The following CUL1 variants were observed in gnomAD, a reference collection of about 807,000 sequenced individuals.
CUL1 encodes the protein cullin-1.
In CUL1, 24 loss-of-function variants were observed where a neutral mutation model predicts 118.0. The ratio of observed to expected loss-of-function variants is 0.20; its 90% CI spans 0.15 to 0.29. The LOEUF is 0.29. Among genes scored for constraint, CUL1 ranks in the 10% least tolerant of loss-of-function variants. CUL1 has a pLI of 1.00. For synonymous variants in CUL1, 332 were observed against 340.4 expected, an observed-to-expected ratio of 0.98 and a Z score of 0.27; for missense variants, 361 against 933.8, an observed-to-expected ratio of 0.39 and a Z score of 7.99.
chr7:148,762,072 C>G (rs2129460579), intron 7 of CUL1, among the ~76,000 whole-genome samples: 1 of 152,276 alleles, frequency 6.6e-6, no homozygotes, highest in South Asian at 2.1e-4. Flanking sequence ...GGCCACAGAC[C>G]CATACTGGCC....
chr7:148,788,628 G>A lies in CUL1; in HGVS notation c.1551G>A (p.Leu517=). The A allele has an allele frequency of 1.2e-6, 2 of 1,614,118 alleles. No individual in the cohort carries two copies. The highest frequency in any genetic ancestry group is 2.7e-5 in the African/African-American group (2 of 75,050). ...AAGACATTGGCGTGAGCAAAGATCT[G>A]AACGAGCAATTCAAAAAGCACTTGA... ...MFQDIGVSKD[L]NEQFKKHLTN... The change falls in exon 14 of 22, where the codon CTG becomes CTA. Residue 517 remains leucine (L), a synonymous_variant. Coordinates refer to ENST00000325222, the MANE Select transcript of CUL1 (RefSeq NM_003592.3).
intron 2 of CUL1, among the ~76,000 whole-genome samples, chr7:148,751,751 C>T (rs191942870): frequency 1.2e-4 from 18 of 151,990 alleles, no homozygotes; most frequent in Admixed American, 9.8e-4. Context: ...ATTACAGCTG[C>T]GGCTATGTCA....
intron 2 of CUL1, among the ~76,000 whole-genome samples, chr7:148,737,558 G>A (rs986878821): frequency 2.0e-4 from 26 of 128,070 alleles, no homozygotes; most frequent in South Asian, 5.5e-4. Flanking sequence ...GTGTGTGTGT[G>A]TATATATATA....
chr7:148,750,294 C>T (rs1799444195), intron 2 of CUL1, among the ~76,000 whole-genome samples: 1 of 142,908 alleles, frequency 7.0e-6, no homozygotes, highest in Non-Finnish European at 1.5e-5. Flanking sequence ...CCACCTAGGA[C>T]TTTTTTTTTT....
Position 148,798,023 on chromosome 7 carries a change from A to C in CUL1, c.2030+4A>C. ...AATTATATCTTGGTTATAAAAAGTA[A>C]GAAAAATCTAATAAGTAGATGGCCC... On this transcript the variant is annotated splice_donor_region_variant and intron_variant, in intron 19 of 21. Transcript: ENST00000325222. 6.5e-7 allele frequency: 1 copy of C among 1,546,908 alleles called. No homozygotes were observed.
intron 1 of CUL1, among the ~76,000 whole-genome samples, chr7:148,727,756 G>A (rs1798635035): frequency 1.3e-5 from 2 of 152,024 alleles, no homozygotes; most frequent in African/African-American, 2.4e-5. Flanking sequence ...GGGGAAAGGA[G>A]ACTGAGGTGG....
At chr7:148,747,030 C>T (rs756578829) in intron 2 of CUL1, among the ~76,000 whole-genome samples, 21 of 152,118 alleles carry the variant, frequency 1.4e-4, no homozygotes, top group Non-Finnish European at 2.5e-4. Context: ...TGTACATTTC[C>T]GTGATGATTT....
At chr7:148,699,239 C>G (rs907397113) in intron 1 of CUL1, among the ~76,000 whole-genome samples, 3 of 151,910 alleles carry the variant, frequency 2.0e-5, no homozygotes, top group African/African-American at 4.8e-5. Context: ...GGCAGAGGAG[C>G]GAGCGGGGCC....
chr7:148,732,953 T>C (rs1309457894), intron 2 of CUL1, among the ~76,000 whole-genome samples: 3 of 152,180 alleles, frequency 2.0e-5, no homozygotes, highest in African/African-American at 7.2e-5. Flanking sequence ...GACATTATAA[T>C]GAAATAATGG....
chr7:148,726,402 G>T (rs1798584773), intron 1 of CUL1, among the ~76,000 whole-genome samples: 1 of 151,696 alleles, frequency 6.6e-6, no homozygotes, highest in Admixed American at 6.6e-5. Context: ...AAAAAAAAAG[G>T]GCTTTCTTAA....
intron 13 of CUL1, 149 bp from the exon 14 acceptor site, chr7:148,788,408 T>C (rs1800891623): frequency 5.1e-6 from 3 of 593,022 alleles, no homozygotes; most frequent in Non-Finnish European, 9.0e-6. Flanking sequence ...TGCATATTTG[T>C]ACTGTAAAAT....
chr7:148,784,033 C>T lies in CUL1; in HGVS notation c.1254C>T (p.Ser418=), dbSNP rs775931359. The part of the protein sequence containing the change: ...VTKMAQSSSK[S]PELLARYCDS... The stretch of plus-strand genomic sequence containing the variant: ...AGATGGCCCAATCATCCAGTAAATC[C>T]CCTGAGTTGCTGGCTCGATACTGTG... Residue 418 remains serine (S), a synonymous_variant, in exon 11 of 22, where the codon TCC becomes TCT. Coordinates refer to ENST00000325222, the MANE Select transcript of CUL1 (RefSeq NM_003592.3). 3 of 1,614,070 alleles carry T rather than the reference C, an allele frequency of 1.9e-6. No homozygotes were observed. The Admixed American group carries it at 5.0e-5, about 27-fold the overall frequency.
intron 17 of CUL1, among the ~76,000 whole-genome samples, chr7:148,793,650 A>G (rs566567199): frequency 1.3e-5 from 2 of 152,360 alleles, no homozygotes; most frequent in African/African-American, 4.8e-5. Context: ...GTGGTCGAAT[A>G]ATCCAATGTA....
At chr7:148,715,974 T>A (rs898170751) in intron 1 of CUL1, among the ~76,000 whole-genome samples, 1 of 152,332 alleles carries the variant, frequency 6.6e-6, no homozygotes, top group Admixed American at 6.5e-5. Context: ...TTCATATAAA[T>A]ACACTTATAT....
chr7:148,755,485 T>C (rs986592969), intron 3 of CUL1, among the ~76,000 whole-genome samples: 3 of 152,270 alleles, frequency 2.0e-5, no homozygotes, highest in African/African-American at 7.2e-5. Flanking sequence ...ACAGACTGTA[T>C]GTAGTTGGCT....
intron 1 of CUL1, among the ~76,000 whole-genome samples, chr7:148,714,645 G>A (rs989730536): frequency 1.3e-5 from 2 of 152,206 alleles, no homozygotes; most frequent in African/African-American, 4.8e-5. Flanking sequence ...AGTGATAGGT[G>A]TGGTATTTTC....
intron 16 of CUL1, among the ~76,000 whole-genome samples, chr7:148,792,229 A>T (rs1801039994): frequency 6.6e-6 from 1 of 152,096 alleles, no homozygotes; most frequent in Non-Finnish European, 1.5e-5. Context: ...GCCATTTCAT[A>T]CTTTACTTAC....
At chr7:148,788,411 T>C (rs754404784) in intron 13 of CUL1, 146 bp from the exon 14 acceptor site, 50 of 599,000 alleles carry the variant, frequency 8.3e-5, no homozygotes, top group Non-Finnish European at 1.3e-4. Flanking sequence ...ATATTTGTAC[T>C]GTAAAATATA....
chr7:148,761,353 C>G (rs1799821133), intron 7 of CUL1, among the ~76,000 whole-genome samples: 1 of 151,850 alleles, frequency 6.6e-6, no homozygotes, highest in Non-Finnish European at 1.5e-5. Flanking sequence ...ACTAAAAATA[C>G]AAAAAAATTT....
Sources: gnomAD v4.1 joint callset for allele counts (sites outside exome capture counted in the v4.1 genomes callset) on GRCh38, gnomAD v4.1.1 for gene constraint, MANE v1.5 for transcripts, NCBI Gene and HGNC (gene_info 2026-07-23, HGNC 2026-07-21) for gene names.